Variants in RBFOX3 observed in about 807,000 individuals in gnomAD.
RBFOX3 encodes RNA binding protein fox-1 homolog 3.
RBFOX3 carries 17 observed loss-of-function variants against 48.7 expected under a neutral mutation model. That is an observed-to-expected ratio of 0.35 (90% CI 0.24 to 0.52). RBFOX3 has a LOEUF of 0.52. Ranked by LOEUF, RBFOX3 falls within the 20% of genes least tolerant of loss-of-function variation. RBFOX3 has a pLI of 0.94. For synonymous variants in RBFOX3, 212 were observed against 209.5 expected, an observed-to-expected ratio of 1.01 and a Z score of -0.10; for missense variants, 382 against 497.5, an observed-to-expected ratio of 0.77 and a Z score of 2.21.
intron 4 of RBFOX3, chr17:79,135,143 C>A (rs2039887886): frequency 6.6e-6 from 1 of 152,306 alleles, no homozygotes; most frequent in Non-Finnish European, 1.5e-5. Flanking sequence ...GTGCTCTCTG[C>A]TTCACCTGTC....
intron 3 of RBFOX3, among the ~76,000 whole-genome samples, chr17:79,295,082 G>A (rs149034288): frequency 1.3e-5 from 2 of 152,096 alleles, no homozygotes; most frequent in Non-Finnish European, 2.9e-5. Flanking sequence ...TCTCGGCCCG[G>A]GTCAGAGACT....
At chr17:79,124,662 GT>G (rs200559343) in intron 4 of RBFOX3, among the ~76,000 whole-genome samples, 1 of 932 alleles carries the variant, frequency 1.1e-3, no homozygotes, top group African/African-American at 2.7e-3. Flanking sequence ...TGTTGCGGGG[GT>G]GGGTGGCCAG....
intron 4 of RBFOX3, among the ~76,000 whole-genome samples, chr17:79,125,832 T>C (rs1254474699): frequency 6.6e-6 from 1 of 152,154 alleles, no homozygotes; most frequent in Non-Finnish European, 1.5e-5. Context: ...CAAAGCCCAT[T>C]CCAGGCAGAA....
chr17:79,120,699 T>TGGGTGGGTGGGGGGATGGAA (rs2035482431), intron 4 of RBFOX3, among the ~76,000 whole-genome samples: 2 of 54,960 alleles, frequency 3.6e-5, no homozygotes, highest in Non-Finnish European at 3.5e-5. Flanking sequence ...GATAGATGGG[T>TGGGTGGGTGGGGGGATGGAA]GGGTGGGTGG....
intron 4 of RBFOX3, among the ~76,000 whole-genome samples, chr17:79,173,100 C>T: frequency 6.6e-6 from 1 of 152,192 alleles, no homozygotes; most frequent in East Asian, 1.9e-4. Context: ...ATCCCAGCTA[C>T]TTGGGAGGCT....
intron 8 of RBFOX3, among the ~76,000 whole-genome samples, chr17:79,102,710 T>TA (rs2076667408): frequency 6.6e-6 from 1 of 151,486 alleles, no homozygotes. Flanking sequence ...AAACAAGGGG[T>TA]GGAGTGGGGC....
At chr17:79,446,219 C>T (rs1402789094) in intron 2 of RBFOX3, among the ~76,000 whole-genome samples, 7 of 152,138 alleles carry the variant, frequency 4.6e-5, no homozygotes, top group African/African-American at 9.7e-5. Flanking sequence ...AGGGCCCTGG[C>T]GATGCTGCCT....
rs1304679772 is a variant in RBFOX3 at position 79,344,682 on chromosome 17, G to A, written c.-174-36858C>T. ...CGATTCTTGTGCCTCAGCCCCCCAAGTACCTGGGATTACAGGTGCATGCCA... is the reference window on the plus strand; with the variant it reads ...CGATTCTTGTGCCTCAGCCCCCCAAATACCTGGGATTACAGGTGCATGCCA... On this transcript the variant is annotated intron_variant, in intron 2 of 14. Coordinates refer to ENST00000693108, the MANE Select transcript of RBFOX3 (RefSeq NM_001350451.2). Among the ~76,000 whole-genome samples the A allele has an allele frequency of 2.6e-5, 4 of 152,194 alleles. No individual in the cohort carries two copies. The South Asian group carries it at 6.2e-4, about 24-fold the overall frequency.
intron 3 of RBFOX3, among the ~76,000 whole-genome samples, chr17:79,285,162 G>T (rs897939553): frequency 1.3e-5 from 2 of 152,136 alleles, no homozygotes; most frequent in African/African-American, 4.8e-5. Flanking sequence ...CAGGCACATC[G>T]CAAAGAACAG....
At chr17:79,613,640 C>T (rs1205346195), upstream of RBFOX3, among the ~76,000 whole-genome samples, 2 of 152,166 alleles carry the variant, frequency 1.3e-5, no homozygotes, top group African/African-American at 2.4e-5. Context: ...GAGCTAATTT[C>T]GTGCCCTCTG....
chr17:79,584,325 G>A (rs1020813987), intron 1 of RBFOX3, among the ~76,000 whole-genome samples: 1 of 152,308 alleles, frequency 6.6e-6, no homozygotes, highest in African/African-American at 2.4e-5. Context: ...ATGGAAAACA[G>A]TGCGGAGATT....
intron 1 of RBFOX3, among the ~76,000 whole-genome samples, chr17:79,513,552 C>A (rs1166969225): frequency 1.3e-5 from 2 of 152,230 alleles, no homozygotes; most frequent in Admixed American, 1.3e-4. Context: ...ACAGTGGGGG[C>A]CTTTCTTGGT....
At chr17:79,620,996 CTTCT>C in the RBFOX3 span, among the ~76,000 whole-genome samples, 1 of 77,150 alleles carries the variant, frequency 1.3e-5, no homozygotes, top group Non-Finnish European at 2.3e-5. Flanking sequence ...GTTAATCCAA[CTTCT>C]TTTTTTTTTT....
chr17:79,327,213 C>T (rs376385681), intron 2 of RBFOX3, among the ~76,000 whole-genome samples: 1 of 152,234 alleles, frequency 6.6e-6, no homozygotes, highest in Non-Finnish European at 1.5e-5. Context: ...CCTCGAATCA[C>T]TACCAGGTCA....
intron 1 of RBFOX3, among the ~76,000 whole-genome samples, chr17:79,581,024 G>A (rs1350827524): frequency 1.3e-5 from 2 of 152,208 alleles, no homozygotes; most frequent in Admixed American, 1.3e-4. Context: ...GAGGCAGGCA[G>A]ATCACGAGGT....
At chr17:79,280,315 A>ACAC (rs2070080624) in intron 3 of RBFOX3, among the ~76,000 whole-genome samples, 2 of 152,032 alleles carry the variant, frequency 1.3e-5, no homozygotes, top group South Asian at 4.1e-4. Context: ...ACCCCCCAAC[A>ACAC]CACCCACCCT....
chr17:79,314,414 G>A (rs1400819564), intron 2 of RBFOX3, among the ~76,000 whole-genome samples: 2 of 152,116 alleles, frequency 1.3e-5, no homozygotes, highest in African/African-American at 2.4e-5. Context: ...GACTGAGATC[G>A]CATACGGAGC....
intron 4 of RBFOX3, among the ~76,000 whole-genome samples, chr17:79,137,726 T>C (rs1224505506): frequency 6.6e-6 from 1 of 152,122 alleles, no homozygotes; most frequent in Non-Finnish European, 1.5e-5. Context: ...AAGAGGCGAG[T>C]GTGGATCTAA....
Position 79,167,631 on chromosome 17 carries a change from G to A in RBFOX3, c.-33-51883C>T, listed in dbSNP as rs992776449. On this transcript the variant is annotated intron_variant, in intron 4 of 14. Transcript: ENST00000693108. ...TCACCCCGGGCTCACTCACAGCCCCGGCCGCAGTCTGCCTGCCCCCGCAGA... is the reference window on the plus strand; with the variant it reads ...TCACCCCGGGCTCACTCACAGCCCCAGCCGCAGTCTGCCTGCCCCCGCAGA... 2.6e-5 allele frequency among the ~76,000 whole-genome samples: 4 copies of A among 152,174 alleles called. No homozygotes were observed. The South Asian group carries it at 6.2e-4, about 24-fold the overall frequency.
Sources: gnomAD v4.1 joint callset for allele counts (sites outside exome capture counted in the v4.1 genomes callset) on GRCh38, gnomAD v4.1.1 for gene constraint, MANE v1.5 for transcripts, NCBI Gene and HGNC (gene_info 2026-07-23, HGNC 2026-07-21) for gene names.